The following SLC16A7 variants were observed in gnomAD, a reference collection of about 807,000 sequenced individuals.
SLC16A7 encodes solute carrier family 16 member 7.
Under a neutral mutation model 34.9 loss-of-function variants are expected in SLC16A7, and 33 were observed. That is an observed-to-expected ratio of 0.94 (90% CI 0.72 to 1.26). SLC16A7 has a LOEUF of 1.26. Among genes scored for constraint, SLC16A7 ranks in the 50% most tolerant of loss-of-function variants. SLC16A7 has a pLI of 0.00. For missense variants in SLC16A7, 573 were observed against 578.1 expected (o/e 0.99, Z 0.09); for synonymous variants, 201 against 206.6 (o/e 0.97, Z 0.23).
At chr12:59,632,415 T>C (rs1009062734) in intron 1 of SLC16A7, among the ~76,000 whole-genome samples, 1 of 151,954 alleles carries the variant, frequency 6.6e-6, no homozygotes, top group Non-Finnish European at 1.5e-5. Flanking sequence ...ATTCCTTTTA[T>C]GGGGGAGGTT....
At chr12:59,735,190 C>T (rs541738182) in intron 3 of SLC16A7, among the ~76,000 whole-genome samples, 1 of 152,132 alleles carries the variant, frequency 6.6e-6, no homozygotes, top group Non-Finnish European at 1.5e-5. Context: ...ACTTCTACCT[C>T]GAAGACATAG....
At chr12:59,635,670 A>G (rs1017911860) in intron 1 of SLC16A7, among the ~76,000 whole-genome samples, 1 of 151,964 alleles carries the variant, frequency 6.6e-6, no homozygotes, top group Non-Finnish European at 1.5e-5. Flanking sequence ...ATTTCCTAAA[A>G]CCTATCTATA....
intron 3 of SLC16A7, among the ~76,000 whole-genome samples, chr12:59,732,901 A>G (rs1877123902): frequency 1.3e-5 from 2 of 152,164 alleles, no homozygotes. Flanking sequence ...ATCACTTTTA[A>G]ATGTCTTTAT....
intron 3 of SLC16A7, among the ~76,000 whole-genome samples, chr12:59,751,066 C>T (rs550246659): frequency 5.3e-3 from 258 of 48,852 alleles, no homozygotes; most frequent in African/African-American, 0.015. Flanking sequence ...TGTCGGGGGG[C>T]GGGGGGCTAG....
Position 59,608,868 on chromosome 12 carries a change from T to G in SLC16A7, c.-130+12632T>G, listed in dbSNP as rs182789432. On this transcript the variant is annotated intron_variant, in intron 1 of 5. Coordinates refer to ENST00000547379, the MANE Select transcript of SLC16A7 (RefSeq NM_001270623.2). ...AATAAAGGTGGGGAAGAAACACTTC[T>G]AAAAAAAGTGTCACCAACAAATATT... Among the ~76,000 whole-genome samples, 66 of 152,270 alleles carry G rather than the reference T, an allele frequency of 4.3e-4. 1 individual carries two copies. Among genetic ancestry groups the G allele is most frequent in the Admixed American group, 1.5e-3 (23 of 15,292 alleles).
chr12:59,604,792 A>G (rs1878856628), intron 1 of SLC16A7, among the ~76,000 whole-genome samples: 1 of 152,190 alleles, frequency 6.6e-6, no homozygotes. Context: ...TATTAATTTC[A>G]AGTATTTCAT....
At chr12:59,669,260 G>C (rs555024771) in intron 2 of SLC16A7, among the ~76,000 whole-genome samples, 10 of 152,174 alleles carry the variant, frequency 6.6e-5, no homozygotes, top group African/African-American at 2.4e-4. Flanking sequence ...TTCATTTCAA[G>C]GTTGAAACAA....
In SLC16A7 at chr12:59,785,294, A is replaced by G. The variant is rs1331893970; in HGVS notation, c.*5615A>G. ...TTTTAGCTCTTTACAGGGTGCTACA[A>G]TCTGGTTTATTTTAGTCTTCTCTCC... On this transcript the variant is annotated 3_prime_UTR_variant, in exon 6 of 6. Coordinates refer to ENST00000547379, the MANE Select transcript of SLC16A7 (RefSeq NM_001270623.2). 2.0e-5 allele frequency: 3 copies of G among 152,048 alleles called. No individual in the cohort carries two copies. The highest frequency in any genetic ancestry group is 7.2e-5 in the African/African-American group (3 of 41,402). 9.4% of individuals were successfully genotyped at this position (152,048 alleles called of 1,614,324 possible). A position where few individuals can be genotyped will look rare whatever the true frequency, so the allele number is the denominator to read the frequency against.
Position 59,775,043 on chromosome 12 carries a change from T to G in SLC16A7, c.748T>G (p.Tyr250Asp), listed in dbSNP as rs1187108256. ...SLFKHRGFLI[Y>D]LSGNVIMFLG... Reference sequence around the variant, plus strand: ...TTTTAAGCATAGAGGATTTCTGATATATCTGTCTGGAAATGTCATTATGTT... The same window carrying G: ...TTTTAAGCATAGAGGATTTCTGATAGATCTGTCTGGAAATGTCATTATGTT... The change falls in exon 5 of 6, where the codon TAT becomes GAT. Residue 250 changes from tyrosine to aspartate, a missense_variant. Tyr to Asp is a radical substitution (Grantham distance 160, BLOSUM62 -3). Transcript: ENST00000547379. 1.9e-6 allele frequency: 3 copies of G among 1,614,142 alleles called. No individual in the cohort carries two copies. Among genetic ancestry groups the G allele is most frequent in the Non-Finnish European group, 2.5e-6 (3 of 1,180,000 alleles).
chr12:59,732,507 A>G (rs1206494530), intron 3 of SLC16A7, among the ~76,000 whole-genome samples: 2 of 152,230 alleles, frequency 1.3e-5, no homozygotes, highest in Non-Finnish European at 2.9e-5. Flanking sequence ...GAAATATGCC[A>G]AAGTAGGTAT....
chr12:59,610,941 T>C (rs1879165638), intron 1 of SLC16A7, among the ~76,000 whole-genome samples: 1 of 152,010 alleles, frequency 6.6e-6, no homozygotes, highest in African/African-American at 2.4e-5. Context: ...TTTTTCACAG[T>C]TCTGGAGGCT....
chr12:59,604,301 G>A (rs1457274364), intron 1 of SLC16A7, among the ~76,000 whole-genome samples: 4 of 152,118 alleles, frequency 2.6e-5, no homozygotes, highest in Non-Finnish European at 5.9e-5. Context: ...GTTATCTCAG[G>A]GCTGAACTTT....
chr12:59,742,974 CA>C (rs548110056), intron 3 of SLC16A7, among the ~76,000 whole-genome samples: 43 of 152,042 alleles, frequency 2.8e-4, no homozygotes, highest in African/African-American at 9.4e-4. Context: ...TGTAAATTGT[CA>C]AAAAAAGTAG....
At chr12:59,620,541 G>A (rs1233858123) in intron 1 of SLC16A7, among the ~76,000 whole-genome samples, 2 of 151,910 alleles carry the variant, frequency 1.3e-5, no homozygotes, top group African/African-American at 4.8e-5. Flanking sequence ...GATGACTAAG[G>A]CCTTTCTAGT....
chr12:59,691,080 G>A (rs576585455), intron 2 of SLC16A7, among the ~76,000 whole-genome samples: 141 of 151,908 alleles, frequency 9.3e-4, no homozygotes, highest in Non-Finnish European at 1.5e-3. Context: ...AGAAACATAA[G>A]ATTTACTCAT....
intron 3 of SLC16A7, among the ~76,000 whole-genome samples, chr12:59,753,740 T>C (rs1879909523): frequency 1.3e-5 from 2 of 152,106 alleles, no homozygotes; most frequent in South Asian, 4.2e-4. Flanking sequence ...TGAACTCAGC[T>C]CTGCAACAAG....
chr12:59,643,866 G>A (rs78984071), intron 1 of SLC16A7, among the ~76,000 whole-genome samples: 1 of 152,256 alleles, frequency 6.6e-6, no homozygotes, highest in African/African-American at 2.4e-5. Context: ...TTTACCAAAT[G>A]TCACATCGGT....
In SLC16A7 at chr12:59,749,771, C is replaced by G. The variant is rs142734998; in HGVS notation, c.218-21448C>G. ...TTATGATAGAGCCAATCAAAGAAAT[C>G]ATGAAAGAGATTGTGGATGTGGCAG... On this transcript the variant is annotated intron_variant, in intron 3 of 5. Transcript: ENST00000547379. 3.6e-3 allele frequency among the ~76,000 whole-genome samples: 549 copies of G among 152,252 alleles called. 4 individuals carry two copies. The highest frequency in any genetic ancestry group is 0.012 in the African/African-American group (515 of 41,562).
intron 1 of SLC16A7, among the ~76,000 whole-genome samples, chr12:59,626,856 C>T (rs1186052647): frequency 6.6e-6 from 1 of 151,676 alleles, no homozygotes; most frequent in Non-Finnish European, 1.5e-5. Flanking sequence ...TTTTTTGCCA[C>T]TGAGTAAAAT....
Sources: gnomAD v4.1 joint callset for allele counts (sites outside exome capture counted in the v4.1 genomes callset) on GRCh38, gnomAD v4.1.1 for gene constraint, MANE v1.5 for transcripts, NCBI Gene and HGNC (gene_info 2026-07-23, HGNC 2026-07-21) for gene names.